PDE11A: variants seen among roughly 807,000 people sequenced by gnomAD.
The protein encoded by PDE11A is phosphodiesterase 11A.
Under a neutral mutation model 100.5 loss-of-function variants are expected in PDE11A, and 100 were observed. That is an observed-to-expected ratio of 1.00 (90% confidence interval 0.85 to 1.18). The LOEUF is 1.18. Among genes scored for constraint, PDE11A ranks in the 50% most tolerant of loss-of-function variants. The pLI, the probability that PDE11A is intolerant of heterozygous loss-of-function variation, is 0.00. For synonymous variants in PDE11A, 381 were observed against 420.8 expected (o/e 0.91, Z 1.16); for missense variants, 1,141 against 1,152.6 (o/e 0.99, Z 0.15).
At chr2:177,633,869 AT>A (rs1439446101) in intron 19 of PDE11A, among the ~76,000 whole-genome samples, 1 of 151,960 alleles carries the variant, frequency 6.6e-6, no homozygotes, top group African/African-American at 2.4e-5. Flanking sequence ...TCCAGAACTT[AT>A]TTTTTTTAAT....
At chr2:178,007,919 G>A (rs2086231301) in intron 2 of PDE11A, among the ~76,000 whole-genome samples, 1 of 152,016 alleles carries the variant, frequency 6.6e-6, no homozygotes, top group Non-Finnish European at 1.5e-5. Context: ...TGTTGGCCAG[G>A]CTGGTCTCGA....
At chr2:177,812,901 A>G (rs769728321) in intron 9 of PDE11A, among the ~76,000 whole-genome samples, 2 of 152,266 alleles carry the variant, frequency 1.3e-5, no homozygotes, top group Non-Finnish European at 2.9e-5. Context: ...GATAATGAGT[A>G]ATGCAGGCAT....
intron 6 of PDE11A, among the ~76,000 whole-genome samples, chr2:177,830,632 A>G (rs966731985): frequency 5.5e-5 from 8 of 146,286 alleles, no homozygotes; most frequent in Admixed American, 4.8e-4. Context: ...TAATAATAAT[A>G]ATAATAATAA....
At chr2:177,998,865 T>C (rs1368652545) in intron 2 of PDE11A, 1 of 588,736 alleles carries the variant, frequency 1.7e-6, no homozygotes, top group South Asian at 2.1e-5. Flanking sequence ...ACCTGCACTA[T>C]TACACCCAAC....
At chr2:177,979,236 C>T in intron 2 of PDE11A, among the ~76,000 whole-genome samples, 1 of 150,762 alleles carries the variant, frequency 6.6e-6, no homozygotes, top group Non-Finnish European at 1.5e-5. Context: ...GAATAAACTT[C>T]TTTTTGGAAA....
At chr2:177,932,949 T>C (rs1222534833) in intron 2 of PDE11A, among the ~76,000 whole-genome samples, 3 of 152,144 alleles carry the variant, frequency 2.0e-5, no homozygotes, top group Admixed American at 2.0e-4. Flanking sequence ...CTATTAGAAC[T>C]GATAATTTTA....
At chr2:177,930,789 A>C (rs1364447044) in intron 2 of PDE11A, among the ~76,000 whole-genome samples, 31 of 152,190 alleles carry the variant, frequency 2.0e-4, no homozygotes, top group Admixed American at 2.0e-3. Flanking sequence ...ACAAATGCAA[A>C]TGCTCATCCT....
intron 5 of PDE11A, among the ~76,000 whole-genome samples, chr2:177,865,426 T>C (rs2084012104): frequency 6.6e-6 from 1 of 152,208 alleles, no homozygotes; most frequent in Non-Finnish European, 1.5e-5. Flanking sequence ...TAAAATGGTA[T>C]AGCTACTGTA....
At chr2:177,927,597 C>G (rs1376294669) in intron 2 of PDE11A, among the ~76,000 whole-genome samples, 1 of 152,106 alleles carries the variant, frequency 6.6e-6, no homozygotes, top group Non-Finnish European at 1.5e-5. Flanking sequence ...ACACATTTTC[C>G]ATAAACCTTT....
chr2:177,648,019 G>A (rs2080249664), intron 19 of PDE11A, among the ~76,000 whole-genome samples: 1 of 152,136 alleles, frequency 6.6e-6, no homozygotes, highest in Non-Finnish European at 1.5e-5. Context: ...GGCTGAGGCA[G>A]GAGGATTTAT....
chr2:177,651,619 C>T (rs898226863), intron 19 of PDE11A, among the ~76,000 whole-genome samples: 2 of 145,360 alleles, frequency 1.4e-5, no homozygotes, highest in African/African-American at 2.8e-5. Flanking sequence ...AGGCCCTCTT[C>T]TTAGGTCTTT....
At chr2:177,631,735 T>C (rs781459846) in intron 19 of PDE11A, among the ~76,000 whole-genome samples, 5 of 150,436 alleles carry the variant, frequency 3.3e-5, no homozygotes, top group Non-Finnish European at 7.4e-5. Flanking sequence ...GTATGGATTT[T>C]TAAGCATTCA....
At chr2:177,635,076 GAA>G (rs2080019379) in intron 19 of PDE11A, among the ~76,000 whole-genome samples, 1 of 152,184 alleles carries the variant, frequency 6.6e-6, no homozygotes, top group Non-Finnish European at 1.5e-5. Context: ...AGCTACCGTT[GAA>G]ACCCTTTCAG....
intron 2 of PDE11A, among the ~76,000 whole-genome samples, chr2:177,927,443 T>C (rs1394692496): frequency 1.3e-5 from 2 of 152,240 alleles, no homozygotes; most frequent in South Asian, 4.1e-4. Context: ...TTCTTAACTG[T>C]TGAGATTATA....
chr2:177,766,851 A>C (rs990738526), intron 10 of PDE11A, among the ~76,000 whole-genome samples: 2 of 152,274 alleles, frequency 1.3e-5, no homozygotes, highest in Admixed American at 6.5e-5. Flanking sequence ...CTGTCATGAT[A>C]AAATCTGGAG....
Position 177,643,273 on chromosome 2 carries a change from C to A in PDE11A, c.2647-13711G>T, listed in dbSNP as rs185162703. On this transcript the variant is annotated intron_variant, in intron 19 of 19. Transcript: ENST00000286063. ...GGGAAAGTTTGGAACTCCCTAAAGG[C>A]TTGTTGAGTGGCTCTGACCAAAATG... 4.2e-3 allele frequency among the ~76,000 whole-genome samples: 638 copies of A among 152,278 alleles called. 6 individuals carry two copies. The highest frequency in any genetic ancestry group is 0.015 in the African/African-American group (621 of 41,558).
At chr2:177,991,231 T>C (rs2086000086) in intron 2 of PDE11A, among the ~76,000 whole-genome samples, 1 of 150,460 alleles carries the variant, frequency 6.6e-6, no homozygotes, top group Admixed American at 6.7e-5. Flanking sequence ...ATTGGGAGGC[T>C]GAGGCAGGAG....
chr2:177,996,020 A>T (rs1183181756), intron 2 of PDE11A, among the ~76,000 whole-genome samples: 1 of 152,136 alleles, frequency 6.6e-6, no homozygotes, highest in Non-Finnish European at 1.5e-5. Context: ...TGAGGTTAGG[A>T]GTTCGAGACC....
At chr2:177,823,007 C>T (rs981343518) in intron 6 of PDE11A, among the ~76,000 whole-genome samples, 1 of 152,044 alleles carries the variant, frequency 6.6e-6, no homozygotes, top group African/African-American at 2.4e-5. Context: ...CACATGATCA[C>T]GTCATCTTAT....
Sources: allele counts gnomAD v4.1 joint callset (sites outside exome capture counted in the v4.1 genomes callset), GRCh38; gene constraint gnomAD v4.1.1; transcripts MANE v1.5; gene names NCBI Gene and HGNC (gene_info 2026-07-23, HGNC 2026-07-21).